The following UBTD2 variants were observed in gnomAD, a reference collection of about 807,000 sequenced individuals.
UBTD2 encodes ubiquitin domain containing 2.
Under a neutral mutation model 19.8 loss-of-function variants are expected in UBTD2, and 9 were observed. The observed-to-expected ratio is 0.46, with a 90% CI of 0.27 to 0.79. The LOEUF is 0.79. Ranked by LOEUF, UBTD2 falls within the 30% of genes least tolerant of loss-of-function variation. The pLI is 0.14. For missense variants in UBTD2, 250 were observed against 300.4 expected (o/e 0.83, Z 1.24); for synonymous variants, 98 against 103.9 (o/e 0.94, Z 0.35).
At chr5:172,259,308 AATTTTTGT>A (rs1489485215) in intron 1 of UBTD2, among the ~76,000 whole-genome samples, 4 of 151,800 alleles carry the variant, frequency 2.6e-5, no homozygotes, top group African/African-American at 7.3e-5. Context: ...ACGCCTGGCT[AATTTTTGT>A]ATTTTTGGTA....
chr5:172,264,042 G>A (rs1271845996), intron 1 of UBTD2, among the ~76,000 whole-genome samples: 1 of 152,056 alleles, frequency 6.6e-6, no homozygotes, highest in Non-Finnish European at 1.5e-5. Context: ...AGGATGAATA[G>A]TTCTGACCCC....
chr5:172,281,800 C>A (rs1755722221), intron 1 of UBTD2, among the ~76,000 whole-genome samples: 1 of 152,162 alleles, frequency 6.6e-6, no homozygotes, highest in South Asian at 2.1e-4. Context: ...TACATCAGGG[C>A]CCATGTCCTC....
intron 2 of UBTD2, among the ~76,000 whole-genome samples, chr5:172,225,243 G>A (rs927013314): frequency 8.5e-5 from 13 of 152,112 alleles, no homozygotes; most frequent in Non-Finnish European, 1.6e-4. Flanking sequence ...TCCACCTTCT[G>A]TTCTGATTTC....
At chr5:172,282,277 T>C in intron 1 of UBTD2, among the ~76,000 whole-genome samples, 1 of 152,316 alleles carries the variant, frequency 6.6e-6, no homozygotes, top group South Asian at 2.1e-4. Context: ...ACTGAGGATC[T>C]CAATATGCCA....
intron 1 of UBTD2, among the ~76,000 whole-genome samples, chr5:172,257,984 T>C (rs926012652): frequency 2.0e-5 from 3 of 152,220 alleles, no homozygotes; most frequent in Non-Finnish European, 4.4e-5. Flanking sequence ...ATAGTTTCTT[T>C]TGCTGTGCAG....
chr5:172,218,776 A>C (rs1771593546), intron 2 of UBTD2, among the ~76,000 whole-genome samples: 1 of 107,206 alleles, frequency 9.3e-6, no homozygotes, highest in Admixed American at 9.4e-5. Flanking sequence ...CCCTGTCACC[A>C]AAAAAAAAAA....
Position 172,246,478 on chromosome 5 carries a change from T to G in UBTD2, c.71-12120A>C, listed in dbSNP as rs1290379260. Among the ~76,000 whole-genome samples, 5 of 126,636 alleles carry G rather than the reference T, an allele frequency of 3.9e-5. No individual in the cohort carries two copies. In the Admixed American group the frequency reaches 4.7e-4, roughly 12 times the overall value. The allele number at this position is 126,636 out of a possible 152,430, so 83.1% of individuals were successfully genotyped here. A position where few individuals can be genotyped will look rare whatever the true frequency, so the allele number is the denominator to read the frequency against. ...TTTTTTTTTTTGAGATGGAGTTCAC[T>G]CCGTCGCCCAGGCTGCAATGCAGTG... On this transcript the variant is annotated intron_variant, in intron 1 of 2. Transcript: ENST00000393792.
rs1771461603 is a variant in UBTD2 at position 172,212,129 on chromosome 5, T to C, written c.406A>G (p.Ile136Val). The change falls in exon 3 of 3, where the codon ATA becomes GTA. Residue 136 changes from isoleucine to valine, a missense_variant. By Grantham distance (29) the Ile-to-Val change is conservative. Transcript: ENST00000393792. ...GGCTCAGGAATATCCAGAGTCTCTA[T>C]GTCGCTCTTTTCCTCTATCATGTTG... ...PINMIEEKSD[I>V]ETLDIPEPPP... 7 of 1,614,250 alleles carry C rather than the reference T, an allele frequency of 4.3e-6. No homozygotes were observed. Among genetic ancestry groups the C allele is most frequent in the Non-Finnish European group, 4.2e-6 (5 of 1,180,040 alleles).
At chr5:172,282,565 C>A (rs1049700511) in intron 1 of UBTD2, among the ~76,000 whole-genome samples, 44 of 152,222 alleles carry the variant, frequency 2.9e-4, no homozygotes, top group Admixed American at 7.8e-4. Flanking sequence ...CCCTCCCATA[C>A]CCAAACAATT....
In UBTD2 at chr5:172,211,882, A is replaced by G. The variant is rs761813495; in HGVS notation, c.653T>C (p.Val218Ala). The G allele has an allele frequency of 6.2e-7, 1 of 1,614,190 alleles. No individual in the cohort carries two copies. Among genetic ancestry groups the G allele is most frequent in the South Asian group, 1.1e-5 (1 of 91,080 alleles). Residue 218 changes from valine (V) to alanine (A), a missense_variant, in exon 3 of 3, where the codon GTA becomes GCA. Val to Ala is a moderately conservative substitution (Grantham distance 64). Transcript: ENST00000393792. ...CACAGGTTGGCTCACTATAACCTGT[A>G]CAACATAGTCCTTTGGGATCTTCAG... Reference protein sequence around the residue: ...EELKIPKDYVVQVIVSQPVQN... With the variant: ...EELKIPKDYVAQVIVSQPVQN...
intron 2 of UBTD2, among the ~76,000 whole-genome samples, chr5:172,225,617 G>A (rs987415627): frequency 6.6e-6 from 1 of 152,166 alleles, no homozygotes; most frequent in African/African-American, 2.4e-5. Context: ...GAACAGGTTT[G>A]TAAAAGTTAA....
At chr5:172,248,761 CAA>C (rs1248793919) in intron 1 of UBTD2, among the ~76,000 whole-genome samples, 13 of 127,874 alleles carry the variant, frequency 1.0e-4, no homozygotes, top group Non-Finnish European at 1.0e-4. Flanking sequence ...GATCCTGTCT[CAA>C]AAAAAAAAAA....
In UBTD2 at chr5:172,262,468, A is replaced by AAAAAAAAAT. The variant is rs763651049; in HGVS notation, c.70+21127_70+21128insATTTTTTTT. On this transcript the variant is annotated intron_variant, in intron 1 of 2. Transcript: ENST00000393792. ...CACCAAAAAAAAAAAAAAAAAAAAAACAAGAAAATGTATATGAAGATTCTT... is the reference window on the plus strand; with the variant it reads ...CACCAAAAAAAAAAAAAAAAAAAAAAAAAAAAAATCAAGAAAATGTATATGAAGATTCTT... 7.0e-5 allele frequency among the ~76,000 whole-genome samples: 10 copies of AAAAAAAAAT among 143,110 alleles called. 1 individual carries two copies. Among genetic ancestry groups the AAAAAAAAAT allele is most frequent in the Non-Finnish European group, 1.5e-4 (10 of 66,114 alleles). The allele number at this position is 143,110 out of a possible 152,430, so 93.9% of individuals were successfully genotyped here. A position where few individuals can be genotyped will look rare whatever the true frequency, so the allele number is the denominator to read the frequency against.
intron 1 of UBTD2, among the ~76,000 whole-genome samples, chr5:172,266,238 C>T (rs1263997276): frequency 6.6e-6 from 1 of 152,110 alleles, no homozygotes; most frequent in Non-Finnish European, 1.5e-5. Flanking sequence ...GCCAGCACCA[C>T]ACATTGTTTA....
At chr5:172,243,480 T>C (rs1337807958) in intron 1 of UBTD2, among the ~76,000 whole-genome samples, 2 of 150,690 alleles carry the variant, frequency 1.3e-5, no homozygotes, top group Non-Finnish European at 2.9e-5. Context: ...AACAGGAAGA[T>C]GGACGCCCTC....
intron 1 of UBTD2, among the ~76,000 whole-genome samples, chr5:172,248,306 G>A (rs1034628842): frequency 4.6e-5 from 7 of 151,984 alleles, no homozygotes; most frequent in African/African-American, 1.4e-4. Context: ...AGACTACAGC[G>A]AGGCTGGATG....
intron 1 of UBTD2, among the ~76,000 whole-genome samples, chr5:172,276,207 AT>A (rs1012143018): frequency 2.6e-5 from 4 of 151,544 alleles, no homozygotes; most frequent in Admixed American, 6.6e-5. Context: ...GAGGGCAGAG[AT>A]TTTTTTTTCC....
chr5:172,270,811 C>T (rs1355537655), intron 1 of UBTD2, among the ~76,000 whole-genome samples: 3 of 152,074 alleles, frequency 2.0e-5, no homozygotes, highest in African/African-American at 7.2e-5. Flanking sequence ...TAATAACCTA[C>T]TACATTAGAA....
chr5:172,216,999 A>G (rs562670737), intron 2 of UBTD2, among the ~76,000 whole-genome samples: 1 of 152,192 alleles, frequency 6.6e-6, no homozygotes, highest in Non-Finnish European at 1.5e-5. Context: ...ACAAAGACAG[A>G]ATTACATATC....
Sources: gnomAD v4.1 joint callset for allele counts (sites outside exome capture counted in the v4.1 genomes callset) on GRCh38, gnomAD v4.1.1 for gene constraint, MANE v1.5 for transcripts, NCBI Gene and HGNC (gene_info 2026-07-23, HGNC 2026-07-21) for gene names.